Variants in CDH5 observed in about 807,000 individuals in gnomAD.
CDH5 encodes cadherin-5.
In CDH5, 28 loss-of-function variants were observed where a neutral mutation model predicts 62.0. The ratio of observed to expected loss-of-function variants is 0.45; its 90% CI spans 0.33 to 0.62. CDH5 has a LOEUF of 0.62. Ranked by LOEUF, CDH5 falls within the 20% of genes least tolerant of loss-of-function variation. The pLI, the probability that CDH5 is intolerant of heterozygous loss-of-function variation, is 0.02. For synonymous variants in CDH5, 464 were observed against 445.8 expected (o/e 1.04, Z -0.52); for missense variants, 940 against 1,065.1 (o/e 0.88, Z 1.63).
chr16:66,379,672 G>T (rs1489611257), intron 2 of CDH5, 125 bp downstream of exon 2: 16 of 797,510 alleles, frequency 2.0e-5, no homozygotes, highest in Non-Finnish European at 3.1e-5. Flanking sequence ...GAGTGGAGAT[G>T]ATAAGGGTGA....
At chr16:66,393,168 A>G (rs1372474512) in intron 7 of CDH5, among the ~76,000 whole-genome samples, 1 of 152,170 alleles carries the variant, frequency 6.6e-6, no homozygotes, top group Non-Finnish European at 1.5e-5. Context: ...TGCCAGCACC[A>G]TTTACTAAAT....
chr16:66,402,855 C>G lies in CDH5; in HGVS notation c.2041C>G (p.Arg681Gly). The G allele has an allele frequency of 6.2e-7, 1 of 1,603,280 alleles. No homozygotes were observed. Among genetic ancestry groups the G allele is most frequent in the Non-Finnish European group, 8.5e-7 (1 of 1,175,846 alleles). Residue 681 changes from arginine to glycine, a missense_variant, in exon 12 of 12, where the codon CGG (arginine) becomes GGG (glycine). Transcript: ENST00000341529. ...GCCCCCGCGGCCCGCGCTGGACGCCCGGCCTTCCCTCTATGCGCAGGTGCA... is the reference window on the plus strand; with the variant it reads ...GCCCCCGCGGCCCGCGCTGGACGCCGGGCCTTCCCTCTATGCGCAGGTGCA... The part of the protein sequence containing the change: ...AKPPRPALDA[R>G]PSLYAQVQKP...
chr16:66,404,265 T>G lies in CDH5; in HGVS notation c.*1096T>G, dbSNP rs1961349624. ...TTGTCACATCTCAGGGAACTGACCC[T>G]CAGGCACACCTTGCAGAAGGCAAGG... On this transcript the variant is annotated 3_prime_UTR_variant, in exon 12 of 12. Transcript: ENST00000341529. 1 of 152,724 alleles carries G rather than the reference T, an allele frequency of 6.5e-6. No individual in the cohort carries two copies. Among genetic ancestry groups the G allele is most frequent in the Non-Finnish European group, 1.5e-5 (1 of 68,098 alleles). The allele number at this position is 152,724 out of a possible 1,614,324, so 9.5% of individuals were successfully genotyped here. A position where few individuals can be genotyped will look rare whatever the true frequency, so the allele number is the denominator to read the frequency against.
Position 66,392,281 on chromosome 16 carries a change from T to G in CDH5, c.1115T>G (p.Phe372Cys), listed in dbSNP as rs1961100643. 1 of 1,614,136 alleles carries G rather than the reference T, an allele frequency of 6.2e-7. No individual in the cohort carries two copies. The highest frequency in any genetic ancestry group is 2.2e-5 in the East Asian group (1 of 44,878). Residue 372 changes from phenylalanine (F) to cysteine (C), a missense_variant, in exon 7 of 12, where the codon TTC (phenylalanine) becomes TGC (cysteine). Transcript: ENST00000341529. Reference sequence around the variant, plus strand: ...ACAGATGTGGACGAGCCCCCCATTTTCCAGCAGCCTTTCTACCACTTCCAG... The same window carrying G: ...ACAGATGTGGACGAGCCCCCCATTTGCCAGCAGCCTTTCTACCACTTCCAG... ...NITDVDEPPIFQQPFYHFQLK... is the reference protein window; with the variant it reads ...NITDVDEPPICQQPFYHFQLK...
intron 1 of CDH5, among the ~76,000 whole-genome samples, chr16:66,369,764 G>A (rs938062587): frequency 1.3e-5 from 2 of 152,130 alleles, no homozygotes; most frequent in Non-Finnish European, 1.5e-5. Flanking sequence ...CTGGCCAGTT[G>A]GTACCCTCTA....
chr16:66,392,946 T>G (rs1357037187), intron 7 of CDH5: 1 of 152,820 alleles, frequency 6.5e-6, no homozygotes, highest in Non-Finnish European at 1.5e-5. Flanking sequence ...GTTGTCTGTT[T>G]GCTTTTGATG....
chr16:66,398,710 C>T (rs1002670236), intron 10 of CDH5, 149 bp downstream of exon 10: 20 of 541,990 alleles, frequency 3.7e-5, no homozygotes, highest in South Asian at 6.2e-5. Flanking sequence ...CCAGCCCGGG[C>T]GACAGAGCGA....
intron 3 of CDH5, among the ~76,000 whole-genome samples, chr16:66,387,548 T>C (rs542665070): frequency 6.6e-6 from 1 of 152,334 alleles, no homozygotes; most frequent in African/African-American, 2.4e-5. Context: ...ATTCTGATCA[T>C]GGACTGAGTC....
At chr16:66,373,329 C>T (rs1302225705) in intron 1 of CDH5, among the ~76,000 whole-genome samples, 2 of 152,124 alleles carry the variant, frequency 1.3e-5, no homozygotes, top group Admixed American at 6.5e-5. Flanking sequence ...CTGACTGGCC[C>T]GGTTTCCTCT....
intron 6 of CDH5, among the ~76,000 whole-genome samples, chr16:66,391,909 G>A (rs189256069): frequency 4.6e-5 from 7 of 152,300 alleles, no homozygotes; most frequent in Admixed American, 3.3e-4. Context: ...CAGGGTTGTG[G>A]GTGTGGCCAT....
In CDH5 at chr16:66,398,082, G is replaced by A. The variant is rs748339285; in HGVS notation, c.1461G>A (p.Val487=). Residue 487 remains valine, a synonymous_variant, in exon 9 of 12, where the codon GTG becomes GTA. Coordinates refer to ENST00000341529, the MANE Select transcript of CDH5 (RefSeq NM_001795.5). ...PEFAKPYQPK[V]CENAVHGQLV... Reference sequence around the variant, plus strand: ...TTGCCAAGCCCTACCAGCCCAAAGTGTGTGAGAACGCTGTCCATGGCCAGG... The same window carrying A: ...TTGCCAAGCCCTACCAGCCCAAAGTATGTGAGAACGCTGTCCATGGCCAGG... 1.2e-6 allele frequency: 2 copies of A among 1,614,264 alleles called. No homozygotes were observed. The highest frequency in any genetic ancestry group is 1.7e-5 in the Admixed American group (1 of 60,036).
chr16:66,381,194 T>C (rs1960892643), intron 2 of CDH5, among the ~76,000 whole-genome samples: 1 of 152,218 alleles, frequency 6.6e-6, no homozygotes. Context: ...ACCCCTTCTC[T>C]CAGGCTATCC....
intron 7 of CDH5, 44 bp downstream of exon 7, chr16:66,392,427 CT>C: frequency 6.2e-7 from 1 of 1,607,620 alleles, no homozygotes; most frequent in Non-Finnish European, 8.5e-7. Flanking sequence ...ACAATCCGGC[CT>C]GGATGTTCCT....
intron 7 of CDH5, among the ~76,000 whole-genome samples, chr16:66,394,836 A>G (rs1455705395): frequency 1.2e-5 from 1 of 86,152 alleles, no homozygotes; most frequent in African/African-American, 4.7e-5. Context: ...GGACACAAAT[A>G]TCTTAGTTCT....
rs1379955657 is a variant in CDH5, at chr16:66,390,421, T to C, written c.800T>C (p.Val267Ala). 7 of 1,613,864 alleles carry C rather than the reference T, an allele frequency of 4.3e-6. No homozygotes were observed. In the African/African-American group the frequency reaches 9.3e-5, roughly 22 times the overall value. ...GCATCAGCCAAGTACACATTTGTCGTGCCTGAAGACACCCGTGTGGGCACC... is the reference window on the plus strand; with the variant it reads ...GCATCAGCCAAGTACACATTTGTCGCGCCTGAAGACACCCGTGTGGGCACC... ...FFTQTKYTFV[V>A]PEDTRVGTSV... The change falls in exon 6 of 12, where the codon GTG becomes GCG. Residue 267 changes from valine to alanine, a missense_variant. Transcript: ENST00000341529.
rs151043382 is a variant in CDH5, at chr16:66,368,582, G to T, written c.-20+1824G>T. On this transcript the variant is annotated intron_variant, in intron 1 of 11. Transcript: ENST00000341529. ...GACACCATCCCAGGAAGAATCTTAG[G>T]CTCATTTTGCCCACATGGACCCATG... Among the ~76,000 whole-genome samples the T allele has an allele frequency of 8.5e-5, 13 of 152,284 alleles. No homozygotes were observed. In the East Asian group the frequency reaches 2.5e-3, roughly 29 times the overall value.
At chr16:66,372,864 C>T (rs964299215) in intron 1 of CDH5, among the ~76,000 whole-genome samples, 2 of 152,204 alleles carry the variant, frequency 1.3e-5, no homozygotes, top group African/African-American at 4.8e-5. Flanking sequence ...CCAGACCTCC[C>T]CAGACTGAGG....
chr16:66,398,177 C>T lies in CDH5; in HGVS notation c.1485+71C>T, dbSNP rs1961220541. On this transcript the variant is annotated intron_variant, in intron 9 of 11. Coordinates refer to ENST00000341529, the MANE Select transcript of CDH5 (RefSeq NM_001795.5). ...CAGGCTGGGGGGCAGAACTGCTCAA[C>T]AGAGTCAGCAGGAGTTCCCCTGTAC... is the stretch of plus-strand genomic sequence containing the variant. The T allele has an allele frequency of 1.9e-6, 3 of 1,561,454 alleles. No individual in the cohort carries two copies. The South Asian group carries it at 3.3e-5, about 17-fold the overall frequency.
chr16:66,403,610 T>C lies in CDH5; in HGVS notation c.*441T>C, dbSNP rs1961337763. ...GAGGCAAAGGCCTGGACAGCTTGAC[T>C]TGTGGGGCAGGATTCTCTGCAGCCC... On this transcript the variant is annotated 3_prime_UTR_variant, in exon 12 of 12. Transcript: ENST00000341529. This position sits in a 1 kb window ranked among gnomAD's most constrained non-coding sequence, Gnocchi z 4.3. 1.1e-5 allele frequency: 2 copies of C among 184,546 alleles called. No homozygotes were observed. The highest frequency in any genetic ancestry group is 2.3e-5 in the Non-Finnish European group (2 of 87,442). The allele number at this position is 184,546 out of a possible 1,614,324, so 11.4% of individuals were successfully genotyped here.
Sources: allele counts gnomAD v4.1 joint callset (sites outside exome capture counted in the v4.1 genomes callset), GRCh38; gene constraint gnomAD v4.1.1; non-coding constraint Gnocchi (gnomAD v3.1); transcripts MANE v1.5; gene names NCBI Gene and HGNC (gene_info 2026-07-23, HGNC 2026-07-21).